The following SH3RF3 variants were observed in gnomAD, a reference collection of about 807,000 sequenced individuals.
The protein encoded by SH3RF3 is E3 ubiquitin-protein ligase SH3RF3.
Under a neutral mutation model 66.3 loss-of-function variants are expected in SH3RF3, and 29 were observed. That is an observed-to-expected ratio of 0.44 (90% CI 0.33 to 0.60). The LOEUF is 0.60. Among genes scored for constraint, SH3RF3 ranks in the 20% least tolerant of loss-of-function variants. SH3RF3 has a pLI of 0.04. For missense variants in SH3RF3, 1,194 were observed against 1,190.9 expected, an observed-to-expected ratio of 1.00 and a Z score of -0.04; for synonymous variants, 583 against 532.0, an observed-to-expected ratio of 1.10 and a Z score of -1.32.
At chr2:109,188,986 G>C (rs1678268065) in intron 1 of SH3RF3, among the ~76,000 whole-genome samples, 1 of 151,672 alleles carries the variant, frequency 6.6e-6, no homozygotes, top group Non-Finnish European at 1.5e-5. Context: ...TTGTGAAATG[G>C]AAGCTGCTTC....
In SH3RF3 at chr2:109,315,905, C is replaced by T. The variant is rs139185024; in HGVS notation, c.574-31769C>T. ...TTCCCAGAACGTCACCTGCGACCAG[C>T]ATAGGTCTGTGTCTCTGGGTTGTTT... On this transcript the variant is annotated intron_variant, in intron 1 of 9. Coordinates refer to ENST00000309415, the MANE Select transcript of SH3RF3 (RefSeq NM_001099289.3). Among the ~76,000 whole-genome samples the T allele has an allele frequency of 4.7e-4, 72 of 152,274 alleles. No homozygotes were observed. The East Asian group carries it at 0.013, about 28-fold the overall frequency.
chr2:109,301,536 G>C (rs369372564), intron 1 of SH3RF3, among the ~76,000 whole-genome samples: 1 of 152,098 alleles, frequency 6.6e-6, no homozygotes, highest in South Asian at 2.1e-4. Flanking sequence ...AGGACACCAG[G>C]GTGCCCAGAG....
At position 109,501,893 on chromosome 2, in the gene SH3RF3, G is replaced by A; in HGVS notation, c.*222G>A. On this transcript the variant is annotated 3_prime_UTR_variant, in exon 10 of 10. Transcript: ENST00000309415. ...CACCTGGGATGTTCTTCAAGGAAAT[G>A]CCCACCCCCTCTGTGGAAACTGCAA... is the stretch of plus-strand genomic sequence containing the variant. 1 of 521,958 alleles carries A rather than the reference G, an allele frequency of 1.9e-6. No homozygotes were observed. The highest frequency in any genetic ancestry group is 2.9e-5 in the South Asian group (1 of 33,974). The allele number at this position is 521,958 out of a possible 1,614,324, so 32.3% of individuals were successfully genotyped here. A position where few individuals can be genotyped will look rare whatever the true frequency, so the allele number is the denominator to read the frequency against.
chr2:109,380,217 CTCT>C lies in SH3RF3; in HGVS notation c.945+8541_945+8543del, dbSNP rs570610237. Among the ~76,000 whole-genome samples the C allele has an allele frequency of 1.4e-3, 208 of 152,278 alleles. 2 individuals are homozygous for C. Among genetic ancestry groups the C allele is most frequent in the African/African-American group, 4.8e-3 (200 of 41,546 alleles). ...TAGGTACCGGCTCGCCCTGATTTCT[CTCT>C]TCTTAAGTCTTTTTGAGGTCTTCGT... On this transcript the variant is annotated intron_variant, in intron 3 of 9. Coordinates refer to ENST00000309415, the MANE Select transcript of SH3RF3 (RefSeq NM_001099289.3).
At position 109,161,389 on chromosome 2, in the gene SH3RF3, C is replaced by T. The variant is rs1015567626; in HGVS notation, c.573+31276C>T. 7.2e-5 allele frequency among the ~76,000 whole-genome samples: 11 copies of T among 152,016 alleles called. 1 individual carries two copies. The highest frequency in any genetic ancestry group is 2.7e-4 in the African/African-American group (11 of 41,350). ...GTGACTCCAGGAAGAGGGGCAGCCT[C>T]CTGAGCCTTCGTTTCCTTTCTGTCC... On this transcript the variant is annotated intron_variant, in intron 1 of 9. Transcript: ENST00000309415.
At position 109,129,464 on chromosome 2, in the gene SH3RF3, G is replaced by T; in HGVS notation, c.-77G>T. 6.7e-7 allele frequency: 1 copy of T among 1,495,166 alleles called. No individual in the cohort carries two copies. Among genetic ancestry groups the T allele is most frequent in the Non-Finnish European group, 8.9e-7 (1 of 1,127,644 alleles). The allele number at this position is 1,495,166 out of a possible 1,614,324, so 92.6% of individuals were successfully genotyped here. A position where few individuals can be genotyped will look rare whatever the true frequency, so the allele number is the denominator to read the frequency against. Reference sequence around the variant, plus strand: ...CGGAGCCCGGCTCCCCAGTCCTGATGCTGGCTGCCGGTGGCGGGCTCCACG... The same window carrying T: ...CGGAGCCCGGCTCCCCAGTCCTGATTCTGGCTGCCGGTGGCGGGCTCCACG... On this transcript the variant is annotated 5_prime_UTR_variant, in exon 1 of 10. The change abolishes an upstream ATG in the 5' untranslated region. Transcript: ENST00000309415.
rs1266576703 is a variant in SH3RF3 at position 109,142,069 on chromosome 2, T to C, written c.573+11956T>C. On this transcript the variant is annotated intron_variant, in intron 1 of 9. Transcript: ENST00000309415. ...GGGGGGGGGGTCTCAGGTATGTGCC[T>C]AGAACTTCTGCTGCAGCCCCTGGCC... Among the ~76,000 whole-genome samples the C allele has an allele frequency of 3.3e-5, 5 of 151,054 alleles. 1 individual carries two copies. Among genetic ancestry groups the C allele is most frequent in the African/African-American group, 1.2e-4 (5 of 41,100 alleles).
intron 1 of SH3RF3, among the ~76,000 whole-genome samples, chr2:109,224,295 A>G (rs1175225156): frequency 6.6e-6 from 1 of 152,268 alleles, no homozygotes; most frequent in African/African-American, 2.4e-5. Context: ...TGGTATTATT[A>G]GTGATGCTAA....
At chr2:109,473,810 AG>A (rs1192951663) in intron 8 of SH3RF3, among the ~76,000 whole-genome samples, 3 of 143,812 alleles carry the variant, frequency 2.1e-5, no homozygotes, top group Non-Finnish European at 4.5e-5. Context: ...GTGCACAGCC[AG>A]CACCTTAGCC....
intron 1 of SH3RF3, among the ~76,000 whole-genome samples, chr2:109,214,493 G>T (rs942453424): frequency 6.6e-6 from 1 of 151,838 alleles, no homozygotes; most frequent in African/African-American, 2.4e-5. Flanking sequence ...AAAAGGAGTG[G>T]AGCCCAAGCC....
chr2:109,337,523 C>G (rs751482917), intron 1 of SH3RF3, among the ~76,000 whole-genome samples: 5 of 152,232 alleles, frequency 3.3e-5, no homozygotes, highest in Non-Finnish European at 7.3e-5. Flanking sequence ...CACCCCCGGT[C>G]ACAGGATCAC....
intron 1 of SH3RF3, among the ~76,000 whole-genome samples, chr2:109,275,995 C>G (rs917849571): frequency 6.6e-6 from 1 of 152,176 alleles, no homozygotes; most frequent in Non-Finnish European, 1.5e-5. Context: ...GAACATGCCC[C>G]CATTTGGTCT....
chr2:109,368,819 T>C lies in SH3RF3; in HGVS notation c.850-2767T>C, dbSNP rs567015591. Among the ~76,000 whole-genome samples the C allele has an allele frequency of 5.4e-4, 83 of 152,334 alleles. 1 individual carries two copies. Among genetic ancestry groups the C allele is most frequent in the African/African-American group, 1.8e-3 (75 of 41,582 alleles). ...ATAAAATTAAATTTCTATCTTGTGA[T>C]ATTTTGCTGTTGTGACAGCTCTGAT... is the stretch of plus-strand genomic sequence containing the variant. On this transcript the variant is annotated intron_variant, in intron 2 of 9. Transcript: ENST00000309415.
intron 5 of SH3RF3, among the ~76,000 whole-genome samples, chr2:109,426,993 G>T (rs762200445): frequency 2.6e-5 from 4 of 151,458 alleles, no homozygotes; most frequent in African/African-American, 9.7e-5. Context: ...TTTTTGAGAC[G>T]AGTCTCGCTC....
intron 8 of SH3RF3, among the ~76,000 whole-genome samples, chr2:109,489,943 G>A (rs955887058): frequency 6.6e-6 from 1 of 152,140 alleles, no homozygotes; most frequent in South Asian, 2.1e-4. Context: ...TCACCATGTT[G>A]GCCAGGCTGG....
At chr2:109,388,201 G>A (rs1462099075) in intron 3 of SH3RF3, among the ~76,000 whole-genome samples, 4 of 152,280 alleles carry the variant, frequency 2.6e-5, no homozygotes, top group East Asian at 3.9e-4. Context: ...CTATGGTTAT[G>A]TCCTGTCTGT....
intron 9 of SH3RF3, among the ~76,000 whole-genome samples, chr2:109,498,946 G>A (rs1285123317): frequency 6.6e-6 from 1 of 152,222 alleles, no homozygotes; most frequent in African/African-American, 2.4e-5. Context: ...GCGCGGCAGG[G>A]CAGAGCTGGT....
chr2:109,391,301 C>T (rs529116155), intron 3 of SH3RF3, among the ~76,000 whole-genome samples: 2 of 152,358 alleles, frequency 1.3e-5, no homozygotes, highest in African/African-American at 4.8e-5. Flanking sequence ...GACCTGTATG[C>T]TTCAGCCATT....
intron 1 of SH3RF3, among the ~76,000 whole-genome samples, chr2:109,233,705 C>A (rs1023376839): frequency 6.6e-6 from 1 of 152,194 alleles, no homozygotes; most frequent in Non-Finnish European, 1.5e-5. Context: ...CCTTTTGGCT[C>A]GGAATATTCA....
Sources: allele counts gnomAD v4.1 joint callset (sites outside exome capture counted in the v4.1 genomes callset), GRCh38; gene constraint gnomAD v4.1.1; transcripts MANE v1.5; gene names NCBI Gene and HGNC (gene_info 2026-07-23, HGNC 2026-07-21).